The following MICOS10 variants were observed in gnomAD, a reference collection of about 807,000 sequenced individuals.
The protein encoded by MICOS10 is mitochondrial contact site and cristae organizing system subunit 10.
In MICOS10, 5 loss-of-function variants were observed where a neutral mutation model predicts 13.4. That is an observed-to-expected ratio of 0.37 (90% CI 0.20 to 0.78). The LOEUF is 0.78. Ranked by LOEUF, MICOS10 falls within the 30% of genes least tolerant of loss-of-function variation. MICOS10 has a pLI of 0.47. For synonymous variants in MICOS10, 35 were observed against 33.6 expected (o/e 1.04, Z -0.15); for missense variants, 101 against 94.6 (o/e 1.07, Z -0.28).
chr1:19,598,183 C>T (rs1328342034), intron 1 of MICOS10: 2 of 152,190 alleles, frequency 1.3e-5, no homozygotes, highest in East Asian at 3.8e-4. Flanking sequence ...ACCATTTCAC[C>T]TCTGAATTCA....
chr1:19,601,158 G>A, intron 1 of MICOS10: 1 of 424,902 alleles, frequency 2.4e-6, no homozygotes, highest in Non-Finnish European at 4.2e-6. Flanking sequence ...CTTTAAAAAA[G>A]TAATCTTCAA....
chr1:19,611,307 G>C (rs771322902), intron 1 of MICOS10, among the ~76,000 whole-genome samples: 1 of 151,980 alleles, frequency 6.6e-6, no homozygotes, highest in Admixed American at 6.6e-5. Context: ...GAAACCATGA[G>C]CTTGTTAGCT....
chr1:19,597,544 G>A (rs2094797293), intron 1 of MICOS10, among the ~76,000 whole-genome samples: 1 of 152,222 alleles, frequency 6.6e-6, no homozygotes, highest in Non-Finnish European at 1.5e-5. Flanking sequence ...GTCACCTGGA[G>A]CATTTCATAG....
intron 1 of MICOS10, among the ~76,000 whole-genome samples, chr1:19,602,578 T>G (rs1332124993): frequency 1.3e-5 from 2 of 152,096 alleles, no homozygotes; most frequent in Non-Finnish European, 2.9e-5. Context: ...TAAAAAGGAG[T>G]GAAGAATATT....
intron 1 of MICOS10, among the ~76,000 whole-genome samples, chr1:19,621,842 G>A (rs2094904685): frequency 6.6e-6 from 1 of 152,032 alleles, no homozygotes; most frequent in East Asian, 1.9e-4. Flanking sequence ...ACAGTCTCCT[G>A]GCTTGTTCCC....
At chr1:19,601,582 AAAAAAAAAAGAAAAGAAAAAGG>A (rs1558336722) in intron 1 of MICOS10, among the ~76,000 whole-genome samples, 6 of 151,802 alleles carry the variant, frequency 4.0e-5, no homozygotes, top group Non-Finnish European at 4.4e-5. Flanking sequence ...TTCTCAAAAA[AAAAAAAAAAGAAAAGAAAAAGG>A]AAAAAAAAGA....
intron 1 of MICOS10, chr1:19,617,355 G>A: frequency 1.1e-6 from 1 of 951,532 alleles, no homozygotes; most frequent in Non-Finnish European, 1.3e-6. Context: ...TTGTAAAATA[G>A]CCACCTTCTT....
chr1:19,622,730 C>A (rs555168571), intron 2 of MICOS10, among the ~76,000 whole-genome samples: 4 of 152,252 alleles, frequency 2.6e-5, no homozygotes, highest in African/African-American at 9.6e-5. Context: ...ATGAAAGAAT[C>A]ACTTACAGAG....
chr1:19,601,166 CA>C (rs1326234271), intron 1 of MICOS10: 1 of 402,244 alleles, frequency 2.5e-6, no homozygotes, highest in Non-Finnish European at 4.6e-6. Context: ...AAGTAATCTT[CA>C]AGGATCTTTT....
chr1:19,626,458 A>G lies in MICOS10; in HGVS notation c.*57A>G, dbSNP rs1179553514. 2 of 1,596,014 alleles carry G rather than the reference A, an allele frequency of 1.3e-6. No homozygotes were observed. The highest frequency in any genetic ancestry group is 3.3e-5 in the Admixed American group (2 of 59,786). ...AGAGAAATCATGTTTATTCCTCAGG[A>G]ATACTGAAGTGCCCTGGAGTAAGCT... On this transcript the variant is annotated 3_prime_UTR_variant, in exon 4 of 4. Coordinates refer to ENST00000322753, the MANE Select transcript of MICOS10 (RefSeq NM_001032363.4).
intron 1 of MICOS10, chr1:19,601,313 T>C (rs1411077973): frequency 1.1e-5 from 3 of 276,898 alleles, no homozygotes; most frequent in Non-Finnish European, 2.2e-5. Flanking sequence ...GCACAGTGGC[T>C]CATGCCTATA....
chr1:19,609,490 C>G (rs2094850486), intron 1 of MICOS10, among the ~76,000 whole-genome samples: 1 of 152,108 alleles, frequency 6.6e-6, no homozygotes, highest in African/African-American at 2.4e-5. Context: ...TAGATATTTA[C>G]CAAAGAGAAA....
At chr1:19,609,669 T>G (rs1406358671) in intron 1 of MICOS10, among the ~76,000 whole-genome samples, 1 of 152,208 alleles carries the variant, frequency 6.6e-6, no homozygotes, top group Non-Finnish European at 1.5e-5. Context: ...CCAACTATTG[T>G]TATATAAAAC....
chr1:19,600,704 T>C (rs840266), intron 1 of MICOS10: 54,581 of 364,234 alleles, frequency 0.15, 7,200 homozygotes, highest in African/African-American at 0.48. Flanking sequence ...AGAGCTCAGG[T>C]GATCCTCCCA....
At chr1:19,601,500 C>T (rs904306611) in intron 1 of MICOS10, among the ~76,000 whole-genome samples, 1 of 151,172 alleles carries the variant, frequency 6.6e-6, no homozygotes, top group South Asian at 2.1e-4. Flanking sequence ...ATCTCTTGAG[C>T]CTAGAGGTTG....
At chr1:19,612,449 G>A (rs1192162258) in intron 1 of MICOS10, among the ~76,000 whole-genome samples, 9 of 151,880 alleles carry the variant, frequency 5.9e-5, no homozygotes, top group East Asian at 3.9e-4. Flanking sequence ...CTAGCCAGGC[G>A]TGGTGGATCA....
At chr1:19,625,088 CT>C in intron 3 of MICOS10, among the ~76,000 whole-genome samples, 1 of 152,332 alleles carries the variant, frequency 6.6e-6, no homozygotes, top group African/African-American at 2.4e-5. Context: ...AGTTGTTTCA[CT>C]TCTGAGCTTC....
rs1254322436 is a variant in MICOS10 at position 19,615,280 on chromosome 1, G to GT, written c.65-6813dup. ...TGGACTTTCGATTTGTTCTTGAAATGTTTTTTTGTGGAGGAAGAAGGTGAA... is the reference window on the plus strand; with the variant it reads ...TGGACTTTCGATTTGTTCTTGAAATGTTTTTTTTGTGGAGGAAGAAGGTGAA... On this transcript the variant is annotated intron_variant, in intron 1 of 3. Coordinates refer to ENST00000322753, the MANE Select transcript of MICOS10 (RefSeq NM_001032363.4). 3.9e-5 allele frequency among the ~76,000 whole-genome samples: 6 copies of GT among 152,290 alleles called. No homozygotes were observed. In the South Asian group the frequency reaches 8.3e-4, roughly 21 times the overall value.
chr1:19,601,597 GA>G (rs201101909), intron 1 of MICOS10, among the ~76,000 whole-genome samples: 2,550 of 148,728 alleles, frequency 0.017, 33 homozygotes, highest in South Asian at 0.038. Flanking sequence ...AAAAAGAAAA[GA>G]AAAAGGAAAA....
Sources: allele counts gnomAD v4.1 joint callset (sites outside exome capture counted in the v4.1 genomes callset), GRCh38; gene constraint gnomAD v4.1.1; transcripts MANE v1.5; gene names NCBI Gene and HGNC (gene_info 2026-07-23, HGNC 2026-07-21).